Variants in KLHL2 observed in about 807,000 individuals in gnomAD.
The protein encoded by KLHL2 is kelch-like protein 2.
In KLHL2, 15 loss-of-function variants were observed where a neutral mutation model predicts 75.8. The observed-to-expected ratio is 0.20, with a 90% CI of 0.13 to 0.30. KLHL2 has a LOEUF of 0.30. KLHL2 is among the 10% of genes least tolerant of loss of function. KLHL2 has a pLI of 1.00. For missense variants in KLHL2, 381 were observed against 741.0 expected (o/e 0.51, Z 5.64); for synonymous variants, 214 against 251.9 (o/e 0.85, Z 1.42).
chr4:165,275,054 A>AT (rs1466627227), intron 5 of KLHL2, among the ~76,000 whole-genome samples: 2 of 152,252 alleles, frequency 1.3e-5, no homozygotes, highest in Admixed American at 1.3e-4. Flanking sequence ...GTGCTGAGGC[A>AT]TGGTGTTCTG....
Position 165,232,393 on chromosome 4 carries a change from A to C in KLHL2, c.259+3480A>C, listed in dbSNP as rs547113102. ...AGTGAGCCGAGATAGCACCACTGCA[A>C]TCCAGCCTGGGCGACAGAGCAAGAC... is the stretch of plus-strand genomic sequence containing the variant. On this transcript the variant is annotated intron_variant, in intron 3 of 14. Transcript: ENST00000226725. Among the ~76,000 whole-genome samples, 8 of 150,682 alleles carry C rather than the reference A, an allele frequency of 5.3e-5. No homozygotes were observed. The South Asian group carries it at 1.3e-3, about 24-fold the overall frequency.
intron 5 of KLHL2, among the ~76,000 whole-genome samples, chr4:165,292,830 T>C (rs982772920): frequency 1.3e-5 from 2 of 152,224 alleles, no homozygotes; most frequent in African/African-American, 4.8e-5. Flanking sequence ...GAAATAAATA[T>C]GGTTCATTGT....
intron 5 of KLHL2, among the ~76,000 whole-genome samples, chr4:165,270,998 G>T (rs1457380448): frequency 6.6e-6 from 1 of 152,044 alleles, no homozygotes; most frequent in Non-Finnish European, 1.5e-5. Flanking sequence ...CTGTTCCATT[G>T]GTCTACATAT....
At chr4:165,243,018 A>C (rs1431733003) in intron 4 of KLHL2, among the ~76,000 whole-genome samples, 3 of 151,134 alleles carry the variant, frequency 2.0e-5, no homozygotes, top group Admixed American at 6.6e-5. Context: ...TTTGCTCAGC[A>C]TCACACAGCA....
At chr4:165,280,865 G>T (rs1490513195) in intron 5 of KLHL2, among the ~76,000 whole-genome samples, 1 of 152,110 alleles carries the variant, frequency 6.6e-6, no homozygotes, top group Non-Finnish European at 1.5e-5. Flanking sequence ...GACATACATG[G>T]TTTTTTTCTC....
intron 8 of KLHL2, among the ~76,000 whole-genome samples, chr4:165,303,971 G>A (rs1745542619): frequency 6.6e-6 from 1 of 152,000 alleles, no homozygotes; most frequent in Non-Finnish European, 1.5e-5. Flanking sequence ...CACCTCCTGG[G>A]TTCAAGTGAT....
intron 4 of KLHL2, among the ~76,000 whole-genome samples, chr4:165,257,576 G>C (rs770792672): frequency 2.8e-4 from 42 of 152,298 alleles, no homozygotes; most frequent in Non-Finnish European, 5.0e-4. Context: ...CCTGGTTGCT[G>C]CAGTGGTGGG....
chr4:165,247,267 A>G (rs12330937), intron 4 of KLHL2, among the ~76,000 whole-genome samples: 6,423 of 152,208 alleles, frequency 0.042, 295 homozygotes, highest in African/African-American at 0.11. Flanking sequence ...GGGAAAAGCT[A>G]TGTAGAGGTG....
Position 165,238,934 on chromosome 4 carries a change from A to C in KLHL2, c.381+35A>C, listed in dbSNP as rs748825015. 4 of 1,574,462 alleles carry C rather than the reference A, an allele frequency of 2.5e-6. No individual in the cohort carries two copies. The African/African-American group carries it at 5.5e-5, about 22-fold the overall frequency. On this transcript the variant is annotated intron_variant, in intron 4 of 14. Coordinates refer to ENST00000226725, the MANE Select transcript of KLHL2 (RefSeq NM_007246.4). ...AACACTTCACACCATCTAGCTTTTT[A>C]TGCATACAGTTTTTTTAATAAAAAA...
rs148662079 is a variant in KLHL2, at chr4:165,217,298, G to A, written c.27-2636G>A. 3.2e-3 allele frequency among the ~76,000 whole-genome samples: 491 copies of A among 152,204 alleles called. 1 individual carries two copies. The highest frequency in any genetic ancestry group is 0.021 in the Middle Eastern group (6 of 292). On this transcript the variant is annotated intron_variant, in intron 1 of 14. Transcript: ENST00000226725. ...TATCTACGCATTTTCCCCTTTCCCT[G>A]GTTTCTTACTGTTTCCTTTACAGGT...
chr4:165,235,000 A>C lies in KLHL2; in HGVS notation c.260-3778A>C, dbSNP rs550221256. 2.6e-5 allele frequency among the ~76,000 whole-genome samples: 4 copies of C among 151,912 alleles called. No homozygotes were observed. The South Asian group carries it at 8.3e-4, about 32-fold the overall frequency. ...GGCAACAGAATGAGACTCTGTCTCAAAAAAAAAGGTAGAGATGATGTGGTA... is the reference window on the plus strand; with the variant it reads ...GGCAACAGAATGAGACTCTGTCTCACAAAAAAAGGTAGAGATGATGTGGTA... On this transcript the variant is annotated intron_variant, in intron 3 of 14. Transcript: ENST00000226725.
chr4:165,297,881 T>C (rs1745033854), intron 7 of KLHL2, among the ~76,000 whole-genome samples, 156 bp downstream of exon 7: 1 of 152,182 alleles, frequency 6.6e-6, no homozygotes, highest in Non-Finnish European at 1.5e-5. Context: ...TGGAGTGCAG[T>C]GGCGTCATCT....
At chr4:165,296,933 C>T (rs1245584938) in intron 6 of KLHL2, among the ~76,000 whole-genome samples, 2 of 151,678 alleles carry the variant, frequency 1.3e-5, no homozygotes, top group African/African-American at 4.8e-5. Context: ...TATTTATTTG[C>T]AGAAATCAAT....
At chr4:165,301,949 C>CTTTCT (rs1745383461) in intron 8 of KLHL2, among the ~76,000 whole-genome samples, 1 of 152,012 alleles carries the variant, frequency 6.6e-6, no homozygotes, top group Admixed American at 6.6e-5. Context: ...CAAGTACTTA[C>CTTTCT]TTTCTCTTTT....
At chr4:165,217,986 TCTGA>T (rs1737668999) in intron 1 of KLHL2, among the ~76,000 whole-genome samples, 1 of 152,296 alleles carries the variant, frequency 6.6e-6, no homozygotes, top group Non-Finnish European at 1.5e-5. Context: ...TTGGAGTCAT[TCTGA>T]CTTTCTTTGA....
At chr4:165,278,759 G>C in intron 5 of KLHL2, 1 of 1,575,588 alleles carries the variant, frequency 6.3e-7, no homozygotes, top group Non-Finnish European at 8.7e-7. Context: ...GCCATGATCA[G>C]AAAATACACA....
chr4:165,245,971 G>A (rs1321587995), intron 4 of KLHL2, among the ~76,000 whole-genome samples: 1 of 152,048 alleles, frequency 6.6e-6, no homozygotes, highest in Non-Finnish European at 1.5e-5. Flanking sequence ...AACCATTGGT[G>A]TTACAATGTC....
At chr4:165,264,763 TATAA>T (rs1560784389) in intron 5 of KLHL2, among the ~76,000 whole-genome samples, 1,837 of 101,046 alleles carry the variant, frequency 0.018, 49 homozygotes, top group African/African-American at 0.078. Flanking sequence ...TATATATATA[TATAA>T]AACATTATCC....
At chr4:165,208,990 C>G (rs1359300916) in intron 1 of KLHL2, among the ~76,000 whole-genome samples, 1 of 152,080 alleles carries the variant, frequency 6.6e-6, no homozygotes, top group Non-Finnish European at 1.5e-5. Flanking sequence ...GATGTTCAGC[C>G]CTTTTAGGAG....
Sources: gnomAD v4.1 joint callset for allele counts (sites outside exome capture counted in the v4.1 genomes callset) on GRCh38, gnomAD v4.1.1 for gene constraint, MANE v1.5 for transcripts, NCBI Gene and HGNC (gene_info 2026-07-23, HGNC 2026-07-21) for gene names.